Variants in HPSE2 observed in about 807,000 individuals in gnomAD.
HPSE2 encodes inactive heparanase-2.
In HPSE2, 38 loss-of-function variants were observed where a neutral mutation model predicts 60.5. The observed-to-expected ratio is 0.63, with a 90% CI of 0.48 to 0.82. The LOEUF (loss-of-function observed/expected upper bound fraction) is 0.82, where lower values mean the gene tolerates loss of function less well. HPSE2 is among the 40% of genes least tolerant of loss of function. HPSE2 has a pLI of 0.00. For synonymous variants in HPSE2, 295 were observed against 293.2 expected, an observed-to-expected ratio of 1.01 and a Z score of -0.06; for missense variants, 713 against 740.4, an observed-to-expected ratio of 0.96 and a Z score of 0.43.
At chr10:98,575,050 G>T (rs911723274) in intron 9 of HPSE2, among the ~76,000 whole-genome samples, 3 of 152,016 alleles carry the variant, frequency 2.0e-5, no homozygotes, top group African/African-American at 7.2e-5. Context: ...AGCTGGATAG[G>T]CTGATCCCAC....
intron 9 of HPSE2, among the ~76,000 whole-genome samples, chr10:98,596,321 ATTG>A (rs1258575832): frequency 5.3e-5 from 7 of 132,060 alleles, no homozygotes; most frequent in Non-Finnish European, 9.7e-5. Context: ...TATTGTTGCT[ATTG>A]TTATTTTTAG....
chr10:98,601,420 G>A (rs907319396), intron 9 of HPSE2, among the ~76,000 whole-genome samples: 5 of 152,196 alleles, frequency 3.3e-5, no homozygotes, highest in African/African-American at 1.2e-4. Context: ...CAGAGTAGCT[G>A]ATGGAGTGGC....
chr10:98,483,514 A>G (rs888513462), intron 10 of HPSE2, among the ~76,000 whole-genome samples: 20 of 152,238 alleles, frequency 1.3e-4, no homozygotes, highest in African/African-American at 4.8e-4. Flanking sequence ...TCATTAGTCC[A>G]AGGGAAACGT....
the HPSE2 span, among the ~76,000 whole-genome samples, chr10:99,247,551 C>T: frequency 6.6e-6 from 1 of 152,192 alleles, no homozygotes. Flanking sequence ...TCAATATTAA[C>T]CTTGAATATA....
intron 3 of HPSE2, among the ~76,000 whole-genome samples, chr10:98,810,058 C>T (rs1951134139): frequency 1.3e-5 from 2 of 152,154 alleles, no homozygotes; most frequent in Middle Eastern, 3.2e-3. Context: ...TCCAAAGATA[C>T]TCCTACCACT....
At chr10:99,156,671 T>C (rs1425642608) in intron 2 of HPSE2, among the ~76,000 whole-genome samples, 1 of 118,586 alleles carries the variant, frequency 8.4e-6, no homozygotes, top group Non-Finnish European at 2.0e-5. Flanking sequence ...ACTGGAAGCA[T>C]TCCCTTTGAA....
intron 4 of HPSE2, among the ~76,000 whole-genome samples, chr10:98,724,106 C>T (rs1361847707): frequency 2.0e-5 from 3 of 152,152 alleles, no homozygotes; most frequent in African/African-American, 7.2e-5. Flanking sequence ...GCATTTAGTG[C>T]TATAAATTTC....
At chr10:98,520,599 T>A (rs1269743494) in intron 9 of HPSE2, among the ~76,000 whole-genome samples, 2 of 152,202 alleles carry the variant, frequency 1.3e-5, no homozygotes, top group Non-Finnish European at 2.9e-5. Context: ...GTAAGATCTA[T>A]CCTTTAAGAA....
chr10:99,047,963 T>C (rs1347808255), intron 3 of HPSE2: 1 of 723,610 alleles, frequency 1.4e-6, no homozygotes, highest in Non-Finnish European at 2.5e-6. Flanking sequence ...CCGAAAGATG[T>C]TTCCGTTTCT....
intron 7 of HPSE2, among the ~76,000 whole-genome samples, chr10:98,631,873 C>T (rs1457575858): frequency 2.6e-5 from 4 of 152,184 alleles, no homozygotes; most frequent in Non-Finnish European, 5.9e-5. Context: ...TTCATTCATT[C>T]AACCCTTACT....
At chr10:99,236,003 TTTTTTTTTAA>T (rs1166016501), upstream of HPSE2, 18 of 503,654 alleles carry the variant, frequency 3.6e-5, no homozygotes, top group Non-Finnish European at 5.2e-5. Flanking sequence ...TTTTTTCTTT[TTTTTTTTTAA>T]TTTTTTTTAA....
chr10:98,851,526 G>A (rs1304405857), intron 3 of HPSE2, among the ~76,000 whole-genome samples: 3 of 152,170 alleles, frequency 2.0e-5, no homozygotes, highest in Non-Finnish European at 4.4e-5. Context: ...TCTACAAAGA[G>A]CAAATGTCTG....
At chr10:98,997,089 A>G (rs1262986053) in intron 3 of HPSE2, among the ~76,000 whole-genome samples, 5 of 147,460 alleles carry the variant, frequency 3.4e-5, no homozygotes, top group Non-Finnish European at 7.5e-5. Flanking sequence ...TAATGTCCTT[A>G]CTTTAGTCAA....
At chr10:98,931,000 T>C (rs1954626808) in intron 3 of HPSE2, among the ~76,000 whole-genome samples, 2 of 144,252 alleles carry the variant, frequency 1.4e-5, no homozygotes, top group South Asian at 4.2e-4. Context: ...ATTTTTGTTT[T>C]TGTTGCAATT....
At chr10:98,602,846 T>C (rs1057285783) in intron 9 of HPSE2, among the ~76,000 whole-genome samples, 3 of 152,154 alleles carry the variant, frequency 2.0e-5, no homozygotes, top group Non-Finnish European at 4.4e-5. Context: ...GCTACAACTA[T>C]ACAAATTCTT....
chr10:98,690,808 G>C (rs889606569), intron 6 of HPSE2, among the ~76,000 whole-genome samples: 4 of 151,924 alleles, frequency 2.6e-5, no homozygotes, highest in Admixed American at 6.6e-5. Context: ...AAATGGGTTG[G>C]TGGGCAGGAC....
chr10:98,811,318 T>G, intron 3 of HPSE2, among the ~76,000 whole-genome samples: 1 of 152,130 alleles, frequency 6.6e-6, no homozygotes, highest in African/African-American at 2.4e-5. Context: ...AAAAAGTTGT[T>G]TAATACCTAT....
At chr10:99,169,280 C>T (rs1472897622) in intron 2 of HPSE2, among the ~76,000 whole-genome samples, 18 of 148,102 alleles carry the variant, frequency 1.2e-4, no homozygotes, top group African/African-American at 1.0e-4. Flanking sequence ...CCGAGGCAGG[C>T]GGATCACGAA....
intron 4 of HPSE2, among the ~76,000 whole-genome samples, chr10:98,735,893 G>A (rs1231280220): frequency 4.6e-5 from 7 of 152,162 alleles, no homozygotes; most frequent in African/African-American, 1.7e-4. Flanking sequence ...TGTCTCAGAT[G>A]AGACCTTGGA....
Sources: allele counts gnomAD v4.1 joint callset (sites outside exome capture counted in the v4.1 genomes callset), GRCh38; gene constraint gnomAD v4.1.1; transcripts MANE v1.5; gene names NCBI Gene and HGNC (gene_info 2026-07-23, HGNC 2026-07-21).